DRC8: variants seen among roughly 807,000 people sequenced by gnomAD.
DRC8 encodes the protein dynein regulatory complex protein 8.
chr1:245,087,361 A>AT, the DRC8 span: 1 of 1,580,224 alleles, frequency 6.3e-7, no homozygotes, highest in Non-Finnish European at 8.5e-7. Context: ...TGAAAATTAA[A>AT]TGTTCTAAAG....
the DRC8 span, chr1:244,971,125 T>A: frequency 1.3e-5 from 2 of 152,268 alleles, no homozygotes; most frequent in Non-Finnish European, 2.9e-5. Flanking sequence ...TCACAGCCGC[T>A]GCCTCCGAGC....
At chr1:245,069,253 T>C in the DRC8 span, among the ~76,000 whole-genome samples, 1 of 152,246 alleles carries the variant, frequency 6.6e-6, no homozygotes, top group African/African-American at 2.4e-5. Flanking sequence ...TTGTATGTTA[T>C]ATGTATTATT....
chr1:245,081,137 TTTA>T, the DRC8 span, among the ~76,000 whole-genome samples: 1,606 of 149,624 alleles, frequency 0.011, 79 homozygotes, highest in East Asian at 0.14. Flanking sequence ...TATTATTTTA[TTTA>T]TTTTTTATTT....
chr1:245,035,895 A>G, the DRC8 span, among the ~76,000 whole-genome samples: 2 of 151,800 alleles, frequency 1.3e-5, no homozygotes, highest in African/African-American at 2.4e-5. Context: ...GAAGAAGAAG[A>G]AGATAAAAGA....
chr1:245,099,955 T>C, the DRC8 span, among the ~76,000 whole-genome samples: 2 of 152,172 alleles, frequency 1.3e-5, no homozygotes, highest in East Asian at 3.8e-4. Context: ...AGAGGTCACC[T>C]CCCTCATAAT....
the DRC8 span, chr1:245,082,056 A>G: frequency 5.1e-6 from 8 of 1,554,334 alleles, no homozygotes; most frequent in Admixed American, 1.2e-4. Flanking sequence ...GAATGACTAA[A>G]TGGCTATTTA....
At chr1:245,110,039 G>T in the DRC8 span, among the ~76,000 whole-genome samples, 1 of 152,112 alleles carries the variant, frequency 6.6e-6, no homozygotes, top group African/African-American at 2.4e-5. Flanking sequence ...TTCAATGCTT[G>T]GCCAATTGCG....
At chr1:245,077,757 G>T in the DRC8 span, among the ~76,000 whole-genome samples, 1 of 152,126 alleles carries the variant, frequency 6.6e-6, no homozygotes, top group African/African-American at 2.4e-5. Context: ...GTGAGACTTG[G>T]AGCCATAAAA....
the DRC8 span, among the ~76,000 whole-genome samples, chr1:244,978,145 T>C: frequency 5.3e-5 from 8 of 152,262 alleles, no homozygotes; most frequent in African/African-American, 1.9e-4. Flanking sequence ...GTATGGATTT[T>C]ATAGATATTA....
the DRC8 span, among the ~76,000 whole-genome samples, chr1:244,984,268 T>C: frequency 6.6e-6 from 1 of 152,152 alleles, no homozygotes. Flanking sequence ...TTTAAAGAAA[T>C]CAATCATAGA....
At chr1:245,022,177 A>T in the DRC8 span, among the ~76,000 whole-genome samples, 1 of 144,978 alleles carries the variant, frequency 6.9e-6, no homozygotes. Flanking sequence ...AGACAGTCTC[A>T]CTCTATTGCC....
At chr1:245,120,352 C>G in the DRC8 span, among the ~76,000 whole-genome samples, 1 of 152,190 alleles carries the variant, frequency 6.6e-6, no homozygotes, top group African/African-American at 2.4e-5. Flanking sequence ...TATAAATACC[C>G]ACCTCATCGA....
At chr1:245,117,743 C>T in the DRC8 span, among the ~76,000 whole-genome samples, 22 of 152,144 alleles carry the variant, frequency 1.4e-4, no homozygotes, top group Non-Finnish European at 2.5e-4. Context: ...CCAAGGCAAG[C>T]GGATCGCTTG....
chr1:245,031,699 G>C, the DRC8 span, among the ~76,000 whole-genome samples: 1 of 152,064 alleles, frequency 6.6e-6, no homozygotes, highest in African/African-American at 2.4e-5. Context: ...TATTGATTTT[G>C]CTCCACAGGG....
the DRC8 span, among the ~76,000 whole-genome samples, chr1:244,975,774 C>T: frequency 3.3e-5 from 5 of 151,942 alleles, no homozygotes; most frequent in Admixed American, 1.3e-4. Flanking sequence ...GCAGGAGAAT[C>T]GCTTGAACCC....
the DRC8 span, chr1:244,970,537 T>G: frequency 2.1e-6 from 3 of 1,453,758 alleles, no homozygotes; most frequent in Admixed American, 7.9e-5. Flanking sequence ...CCCTCGTCCA[T>G]CTGGAGTTCC....
the DRC8 span, chr1:244,970,610 C>T: frequency 2.6e-6 from 2 of 757,280 alleles, no homozygotes; most frequent in African/African-American, 2.1e-5. Context: ...GCCCTGCCCC[C>T]GTCCCCGTAG....
chr1:245,001,783 G>A, the DRC8 span, among the ~76,000 whole-genome samples: 16 of 152,254 alleles, frequency 1.1e-4, no homozygotes, highest in South Asian at 1.9e-3. Context: ...GACTGAGTTC[G>A]TCCTTTTTCC....
chr1:245,107,892 C>T, the DRC8 span, among the ~76,000 whole-genome samples: 1 of 152,172 alleles, frequency 6.6e-6, no homozygotes, highest in Non-Finnish European at 1.5e-5. Flanking sequence ...CATCCATCCT[C>T]ACCTCGTCAC....
Sources: gnomAD v4.1 joint callset for allele counts (sites outside exome capture counted in the v4.1 genomes callset) on GRCh38, gnomAD v4.1.1 for gene constraint, MANE v1.5 for transcripts, NCBI Gene and HGNC (gene_info 2026-07-23, HGNC 2026-07-21) for gene names.